Variants in MYZAP observed in about 807,000 individuals in gnomAD.
MYZAP encodes the protein GRINL1A complex locus upstream.
Under a neutral mutation model 69.4 loss-of-function variants are expected in MYZAP, and 66 were observed. The observed-to-expected ratio is 0.95, with a 90% CI of 0.78 to 1.17. MYZAP has a LOEUF of 1.17. Ranked by LOEUF, MYZAP falls within the 50% of genes most tolerant of loss-of-function variation. The pLI is 0.00. For synonymous variants in MYZAP, 256 were observed against 205.9 expected, an observed-to-expected ratio of 1.24 and a Z score of -2.09; for missense variants, 611 against 556.2, an observed-to-expected ratio of 1.10 and a Z score of -0.99.
chr15:57,656,682 C>T (rs1202009934), intron 10 of MYZAP, among the ~76,000 whole-genome samples: 1 of 152,102 alleles, frequency 6.6e-6, no homozygotes, highest in African/African-American at 2.4e-5. Flanking sequence ...GGTTGGCACC[C>T]CTTGGGGCCG....
intron 1 of MYZAP, 42 bp downstream of exon 1, chr15:57,592,151 A>G (rs1168100174): frequency 2.7e-5 from 34 of 1,277,280 alleles, no homozygotes; most frequent in Admixed American, 4.2e-5. Flanking sequence ...CCGTTCCCCC[A>G]TCCCGGCCGC....
intron 1 of MYZAP, among the ~76,000 whole-genome samples, chr15:57,594,169 G>A (rs1169057270): frequency 6.6e-6 from 1 of 152,228 alleles, no homozygotes; most frequent in African/African-American, 2.4e-5. Context: ...AGGCTGGAGT[G>A]CCATGGCACG....
chr15:57,613,825 A>C (rs1484204293), intron 2 of MYZAP, among the ~76,000 whole-genome samples: 1 of 152,218 alleles, frequency 6.6e-6, no homozygotes, highest in Non-Finnish European at 1.5e-5. Context: ...TAAGGAAATA[A>C]ATATACATCA....
intron 11 of MYZAP, among the ~76,000 whole-genome samples, chr15:57,666,606 G>A (rs2038580990): frequency 6.6e-6 from 1 of 152,124 alleles, no homozygotes; most frequent in Admixed American, 6.5e-5. Flanking sequence ...CCGCTGATGA[G>A]TGAGAACATG....
At chr15:57,647,240 A>G (rs181333241) in intron 10 of MYZAP, 29 of 985,420 alleles carry the variant, frequency 2.9e-5, no homozygotes, top group East Asian at 1.1e-4. Context: ...ACTTTTCCGC[A>G]TTAGTTATTA....
chr15:57,637,695 G>A lies in MYZAP; in HGVS notation c.934G>A (p.Glu312Lys), dbSNP rs780460164. The change falls in exon 9 of 13, where the codon GAA becomes AAA. Residue 312 changes from glutamate to lysine, a missense_variant and splice_region_variant. Physicochemically the swap from Glu to Lys is moderately conservative, Grantham distance 56. Transcript: ENST00000267853. ...LDRLIERMEK[E>K]RHQLQLQLLE... The stretch of plus-strand genomic sequence containing the variant: ...AAATATCAGTTTCTGTTTGTTTTAG[G>A]AACGTCATCAACTGCAACTTCAACT... 18 of 1,612,154 alleles carry A rather than the reference G, an allele frequency of 1.1e-5. No individual in the cohort carries two copies. The South Asian group carries it at 1.9e-4, about 17-fold the overall frequency.
chr15:57,597,526 C>A (rs1280656580), intron 1 of MYZAP, among the ~76,000 whole-genome samples: 1 of 152,118 alleles, frequency 6.6e-6, no homozygotes, highest in Non-Finnish European at 1.5e-5. Flanking sequence ...GGTGATGGGG[C>A]AGGGAGGGGG....
chr15:57,670,362 CTT>C (rs1474241850), intron 11 of MYZAP, among the ~76,000 whole-genome samples: 1 of 151,938 alleles, frequency 6.6e-6, no homozygotes, highest in African/African-American at 2.4e-5. Flanking sequence ...TGTCAATACT[CTT>C]TGTCTTGATA....
chr15:57,673,463 C>T (rs867626867), intron 11 of MYZAP, among the ~76,000 whole-genome samples: 23 of 102,662 alleles, frequency 2.2e-4, no homozygotes, highest in Admixed American at 6.0e-4. Flanking sequence ...TGCGTGCATG[C>T]GTGTGTGTGT....
chr15:57,622,764 A>G (rs1237618346), intron 4 of MYZAP, among the ~76,000 whole-genome samples: 2 of 152,234 alleles, frequency 1.3e-5, no homozygotes, highest in African/African-American at 4.8e-5. Context: ...GAAGAAAAAT[A>G]TGTGTGAATT....
chr15:57,669,989 A>G (rs1374035846), intron 11 of MYZAP, among the ~76,000 whole-genome samples: 1 of 152,164 alleles, frequency 6.6e-6, no homozygotes. Context: ...TAGTCAGAGA[A>G]CACAGCTTGT....
intron 2 of MYZAP, 86 bp downstream of exon 2, chr15:57,604,441 C>A: frequency 6.8e-7 from 1 of 1,472,908 alleles, no homozygotes; most frequent in Non-Finnish European, 9.4e-7. Context: ...AGGCCATTCC[C>A]AGAGGCTGGG....
rs1216250651 is a variant in MYZAP, at chr15:57,625,997, C to T, written c.525+105C>T. On this transcript the variant is annotated intron_variant, in intron 5 of 12. Transcript: ENST00000267853. ...CACAGAACATCCTTAGCTCATGATT[C>T]AGAATTCTTTAAGCAGAACCACTGT... 5 of 1,010,510 alleles carry T rather than the reference C, an allele frequency of 4.9e-6. No individual in the cohort carries two copies. The African/African-American group carries it at 6.4e-5, about 13-fold the overall frequency. 62.6% of individuals were successfully genotyped at this position (1,010,510 alleles called of 1,614,324 possible). A position where few individuals can be genotyped will look rare whatever the true frequency, so the allele number is the denominator to read the frequency against.
At chr15:57,661,632 C>T in intron 11 of MYZAP, 99 bp downstream of exon 11, 1 of 1,070,254 alleles carries the variant, frequency 9.3e-7, no homozygotes. Context: ...TGGCTATTTC[C>T]CGGCCTTATA....
intron 8 of MYZAP, among the ~76,000 whole-genome samples, chr15:57,637,412 G>T (rs894772068): frequency 2.6e-5 from 4 of 152,150 alleles, no homozygotes; most frequent in African/African-American, 9.7e-5. Flanking sequence ...ATCAGTATTT[G>T]GGGCTATAAA....
At chr15:57,614,319 C>A (rs2035295140) in intron 2 of MYZAP, among the ~76,000 whole-genome samples, 1 of 152,204 alleles carries the variant, frequency 6.6e-6, no homozygotes. Flanking sequence ...AGGCCCTGGA[C>A]TTGCTGCAAT....
chr15:57,683,779 A>T (rs1367145895), intron 12 of MYZAP, among the ~76,000 whole-genome samples: 2 of 151,552 alleles, frequency 1.3e-5, no homozygotes, highest in East Asian at 3.9e-4. Context: ...AGGGATGATG[A>T]TGAATATTTC....
At chr15:57,606,507 CA>C (rs1270699178) in intron 2 of MYZAP, among the ~76,000 whole-genome samples, 9 of 126,446 alleles carry the variant, frequency 7.1e-5, no homozygotes, top group African/African-American at 1.2e-4. Context: ...TAGATGGTGG[CA>C]AAAAAAATTA....
intron 6 of MYZAP, among the ~76,000 whole-genome samples, chr15:57,630,883 C>G (rs1222080401): frequency 6.6e-6 from 1 of 152,142 alleles, no homozygotes. Flanking sequence ...AAAGGTGGTA[C>G]TATTGGTAAT....
Sources: allele counts gnomAD v4.1 joint callset (sites outside exome capture counted in the v4.1 genomes callset), GRCh38; gene constraint gnomAD v4.1.1; transcripts MANE v1.5; gene names NCBI Gene and HGNC (gene_info 2026-07-23, HGNC 2026-07-21).